FREM2: variants seen among roughly 807,000 people sequenced by gnomAD.
The protein encoded by FREM2 is FRAS1-related extracellular matrix protein 2.
FREM2 carries 119 observed loss-of-function variants against 219.9 expected under a neutral mutation model. The ratio of observed to expected loss-of-function variants is 0.54; its 90% CI spans 0.47 to 0.63. The LOEUF is 0.63. Ranked by LOEUF, FREM2 falls within the 30% of genes least tolerant of loss-of-function variation. FREM2 has a pLI of 0.00. For synonymous variants in FREM2, 1,562 were observed against 1,522.8 expected, an observed-to-expected ratio of 1.03 and a Z score of -0.60; for missense variants, 4,030 against 3,993.6, an observed-to-expected ratio of 1.01 and a Z score of -0.25.
intron 9 of FREM2, 42 bp downstream of exon 9, chr13:38,850,277 C>A: frequency 6.6e-7 from 1 of 1,518,058 alleles, no homozygotes; most frequent in Non-Finnish European, 9.1e-7. Flanking sequence ...TTTGAAGAAG[C>A]CGAATTTTTA....
intron 2 of FREM2, among the ~76,000 whole-genome samples, chr13:38,718,573 C>T (rs1043923892): frequency 6.6e-6 from 1 of 152,166 alleles, no homozygotes; most frequent in African/African-American, 2.4e-5. Context: ...CATCCTCCAG[C>T]GATAAGCTGT....
intron 6 of FREM2, among the ~76,000 whole-genome samples, chr13:38,817,105 G>T (rs1030343322): frequency 6.6e-6 from 1 of 152,108 alleles, no homozygotes; most frequent in African/African-American, 2.4e-5. Flanking sequence ...TTTGTGGATT[G>T]TAAGAATTAA....
rs769352434 is a variant in FREM2 at position 38,850,279 on chromosome 13, G to A, written c.6577+44G>A. 10 of 1,482,138 alleles carry A rather than the reference G, an allele frequency of 6.7e-6. No homozygotes were observed. In the East Asian group the frequency reaches 6.8e-5, roughly 10 times the overall value. The allele number at this position is 1,482,138 out of a possible 1,614,324, so 91.8% of individuals were successfully genotyped here. A position where few individuals can be genotyped will look rare whatever the true frequency, so the allele number is the denominator to read the frequency against. On this transcript the variant is annotated intron_variant, in intron 9 of 23. Transcript: ENST00000280481. ...TTTTTTCGTGAAATTTGAAGAAGCCGAATTTTTACTCAGAAATATATATCA... is the reference window on the plus strand; with the variant it reads ...TTTTTTCGTGAAATTTGAAGAAGCCAAATTTTTACTCAGAAATATATATCA...
chr13:38,832,346 G>A (rs931730687), intron 6 of FREM2, among the ~76,000 whole-genome samples: 1 of 151,990 alleles, frequency 6.6e-6, no homozygotes, highest in Admixed American at 6.6e-5. Context: ...ATTATTACAG[G>A]GAGAAGTTCA....
In FREM2 at chr13:38,689,848, C is replaced by T. The variant is rs1224764502; in HGVS notation, c.2504C>T (p.Thr835Ile). The T allele has an allele frequency of 1.2e-6, 2 of 1,614,166 alleles. No homozygotes were observed. Among genetic ancestry groups the T allele is most frequent in the African/African-American group, 1.3e-5 (1 of 75,052 alleles). The change falls in exon 1 of 24, where the codon ACC (threonine) becomes ATC (isoleucine). Residue 835 changes from threonine (T) to isoleucine (I), a missense_variant. By Grantham distance (89) the Thr-to-Ile change is moderately conservative. Around this residue, in one of 2 missense-constraint regions of FREM2, gnomAD observed 3,102 missense variants for 2,950.7 expected, o/e 1.05. Coordinates refer to ENST00000280481, the MANE Select transcript of FREM2 (RefSeq NM_207361.6). ...AACCAGCCACCTGAGATCCTCAACACCGGCTTCACTATTCAGGAGAAGGGT... is the reference window on the plus strand; with the variant it reads ...AACCAGCCACCTGAGATCCTCAACATCGGCTTCACTATTCAGGAGAAGGGT... ...VDNQPPEILN[T>I]GFTIQEKGHH...
chr13:38,691,441 T>G lies in FREM2; in HGVS notation c.4097T>G (p.Leu1366Arg), dbSNP rs1471220670. The change falls in exon 1 of 24, where the codon CTG (leucine) becomes CGG (arginine). Residue 1366 changes from leucine (L) to arginine (R), a missense_variant. Leu to Arg is a moderately radical substitution (Grantham distance 102, BLOSUM62 -2). This residue lies in a region of FREM2 where 3,102 missense variants were observed against 2,950.7 expected (regional missense o/e 1.05). Coordinates refer to ENST00000280481, the MANE Select transcript of FREM2 (RefSeq NM_207361.6). ...KPTGAFENIT[L>R]GMNFTQDEVD... Reference sequence around the variant, plus strand: ...ACTGGTGCCTTTGAAAATATCACACTGGGCATGAATTTTACCCAGGATGAA... The same window carrying G: ...ACTGGTGCCTTTGAAAATATCACACGGGGCATGAATTTTACCCAGGATGAA... 6.2e-7 allele frequency: 1 copy of G among 1,614,156 alleles called. No homozygotes were observed. Among genetic ancestry groups the G allele is most frequent in the Non-Finnish European group, 8.5e-7 (1 of 1,180,010 alleles).
intron 6 of FREM2, among the ~76,000 whole-genome samples, chr13:38,796,655 C>A (rs1034249518): frequency 6.6e-6 from 1 of 152,034 alleles, no homozygotes; most frequent in Non-Finnish European, 1.5e-5. Context: ...ATGATAGTTT[C>A]TTTATTCATC....
chr13:38,714,254 G>A (rs1424824483), intron 2 of FREM2, among the ~76,000 whole-genome samples: 2 of 152,224 alleles, frequency 1.3e-5, no homozygotes, highest in African/African-American at 4.8e-5. Context: ...TTAATCAGTG[G>A]TTGAAATGAA....
At chr13:38,809,176 A>C (rs911963117) in intron 6 of FREM2, among the ~76,000 whole-genome samples, 13 of 148,810 alleles carry the variant, frequency 8.7e-5, no homozygotes, top group Non-Finnish European at 1.8e-4. Context: ...TATTTTTTAT[A>C]CTCTCAGTAG....
intron 6 of FREM2, among the ~76,000 whole-genome samples, chr13:38,816,616 AT>A (rs1875778404): frequency 6.6e-6 from 1 of 152,162 alleles, no homozygotes; most frequent in Non-Finnish European, 1.5e-5. Context: ...CACAGCTAAC[AT>A]CATACAGAGT....
intron 2 of FREM2, among the ~76,000 whole-genome samples, chr13:38,699,765 T>C (rs374510451): frequency 4.3e-4 from 66 of 152,270 alleles, no homozygotes; most frequent in African/African-American, 1.6e-3. Flanking sequence ...AAAAGTCACA[T>C]TGGTATCCCT....
At position 38,691,243 on chromosome 13, in the gene FREM2, A is replaced by T. The variant is rs1265438116; in HGVS notation, c.3899A>T (p.Asp1300Val). 15 of 1,613,872 alleles carry T rather than the reference A, an allele frequency of 9.3e-6. No individual in the cohort carries two copies. Among genetic ancestry groups the T allele is most frequent in the Non-Finnish European group, 1.3e-5 (15 of 1,179,850 alleles). The change falls in exon 1 of 24, where the codon GAT becomes GTT. Residue 1300 changes from aspartate to valine, a missense_variant. Physicochemically the swap from Asp to Val is radical, Grantham distance 152. Around this residue, in one of 2 missense-constraint regions of FREM2, gnomAD observed 3,102 missense variants for 2,950.7 expected, o/e 1.05. Coordinates refer to ENST00000280481, the MANE Select transcript of FREM2 (RefSeq NM_207361.6). ...GTCCTCATTATAGTTATCCCTGTTG[A>T]TGATGAGACGCCCAGAATGACTATC... is the stretch of plus-strand genomic sequence containing the variant. ...KTVLIIVIPV[D>V]DETPRMTINN...
rs141090549 is a variant in FREM2 at position 38,723,120 on chromosome 13, A to T, written c.5263+25333A>T. 3.0e-3 allele frequency among the ~76,000 whole-genome samples: 462 copies of T among 152,214 alleles called. 4 individuals are homozygous for T. The highest frequency in any genetic ancestry group is 0.011 in the African/African-American group (441 of 41,534). ...TGTGGTGGTGCCCACCTGTAATCCC[A>T]GCTGCTTGGGAGGCTGAGGCTGGAG... On this transcript the variant is annotated intron_variant, in intron 2 of 23. Coordinates refer to ENST00000280481, the MANE Select transcript of FREM2 (RefSeq NM_207361.6).
chr13:38,793,702 G>A (rs573704547), intron 6 of FREM2, among the ~76,000 whole-genome samples: 3 of 152,344 alleles, frequency 2.0e-5, no homozygotes, highest in East Asian at 1.9e-4. Context: ...AGATTGAAGA[G>A]CTCAGGTGGC....
intron 4 of FREM2, among the ~76,000 whole-genome samples, chr13:38,781,371 G>A (rs1874110927): frequency 6.6e-6 from 1 of 151,624 alleles, no homozygotes; most frequent in Non-Finnish European, 1.5e-5. Flanking sequence ...GTGTATCTTA[G>A]GCCCCTCTAC....
At chr13:38,872,956 A>G in intron 17 of FREM2, 22 bp downstream of exon 17, 1 of 1,609,422 alleles carries the variant, frequency 6.2e-7, no homozygotes, top group Non-Finnish European at 8.5e-7. Flanking sequence ...AGACTTGGAA[A>G]ATTCTATAGT....
At chr13:38,849,218 G>C (rs1215587539) in intron 8 of FREM2, among the ~76,000 whole-genome samples, 1 of 152,078 alleles carries the variant, frequency 6.6e-6, no homozygotes, top group Non-Finnish European at 1.5e-5. Flanking sequence ...GATTTTGATA[G>C]AATTAGACAG....
chr13:38,718,373 T>C lies in FREM2; in HGVS notation c.5263+20586T>C, dbSNP rs1182016561. Among the ~76,000 whole-genome samples, 3 of 152,238 alleles carry C rather than the reference T, an allele frequency of 2.0e-5. No homozygotes were observed. The East Asian group carries it at 5.8e-4, about 29-fold the overall frequency. On this transcript the variant is annotated intron_variant, in intron 2 of 23. Transcript: ENST00000280481. ...TTCTGGACCCCATCCATTTGCCTTC[T>C]CCTACTGTGAACAGGTGAAATCGAG...
chr13:38,733,209 G>A (rs952256158), intron 2 of FREM2, among the ~76,000 whole-genome samples: 11 of 152,032 alleles, frequency 7.2e-5, no homozygotes, highest in Non-Finnish European at 1.3e-4. Context: ...GTTTCTAAGA[G>A]GCACTGAGGA....
Sources: gnomAD v4.1 joint callset for allele counts (sites outside exome capture counted in the v4.1 genomes callset) on GRCh38, gnomAD v4.1.1 for gene constraint, gnomAD v4.1.1 regional missense constraint, MANE v1.5 for transcripts, NCBI Gene and HGNC (gene_info 2026-07-23, HGNC 2026-07-21) for gene names.